IGF1: variants seen among roughly 807,000 people sequenced by gnomAD.
IGF1 encodes the protein insulin-like growth factor 1.
A neutral mutation model predicts 13.8 loss-of-function variants in IGF1; 4 were observed. The observed-to-expected ratio is 0.29, with a 90% confidence interval of 0.14 to 0.66. The LOEUF is 0.66. Ranked by LOEUF, IGF1 falls within the 30% of genes least tolerant of loss-of-function variation. The pLI, the probability that IGF1 is intolerant of heterozygous loss-of-function variation, is 0.78. For synonymous variants in IGF1, 76 were observed against 72.6 expected, an observed-to-expected ratio of 1.05 and a Z score of -0.23; for missense variants, 124 against 188.5, an observed-to-expected ratio of 0.66 and a Z score of 2.00.
rs547720263 is a variant in IGF1 at position 102,475,752 on chromosome 12, C to G, written c.111G>C (p.Leu37=). ...MSSSHLFYLA[L]CLLTFTSSAT... ...CAGAGCTGGTGAAGGTGAGCAGGCA[C>G]AGCGCCAGGTAGAAGAGATGCGAGG... is the stretch of plus-strand genomic sequence containing the variant. Residue 37 remains leucine, a synonymous_variant, in exon 2 of 4, where the codon CTG becomes CTC. Coordinates refer to ENST00000337514, the MANE Select transcript of IGF1 (RefSeq NM_000618.5). 6.2e-7 allele frequency: 1 copy of G among 1,614,196 alleles called. No homozygotes were observed. The highest frequency in any genetic ancestry group is 8.5e-7 in the Non-Finnish European group (1 of 1,180,038).
chr12:102,467,015 A>G (rs1880383269), intron 2 of IGF1, among the ~76,000 whole-genome samples: 1 of 152,186 alleles, frequency 6.6e-6, no homozygotes. Context: ...CCTTAAATCC[A>G]TTTAATCCAG....
chr12:102,480,554 C>T lies in IGF1; in HGVS notation c.-173G>A. The stretch of plus-strand genomic sequence containing the variant: ...ATTTAGCAGTGACAGTGAGATTTAG[C>T]AAACAGAAGAGGGATTTAGAGAAAA... On this transcript the variant is annotated 5_prime_UTR_variant, in exon 1 of 4. Coordinates refer to ENST00000337514, the MANE Select transcript of IGF1 (RefSeq NM_000618.5). 5.4e-6 allele frequency: 8 copies of T among 1,471,618 alleles called. No homozygotes were observed. The highest frequency in any genetic ancestry group is 7.2e-6 in the Non-Finnish European group (8 of 1,112,948). 91.2% of individuals were successfully genotyped at this position (1,471,618 alleles called of 1,614,324 possible).
At chr12:102,436,790 G>C (rs760186031) in intron 2 of IGF1, among the ~76,000 whole-genome samples, 3 of 152,162 alleles carry the variant, frequency 2.0e-5, no homozygotes, top group Non-Finnish European at 4.4e-5. Context: ...GAGGAAACAG[G>C]GTTAATTAAT....
intron 1 of IGF1, chr12:102,478,697 A>G: frequency 7.8e-7 from 1 of 1,288,036 alleles, no homozygotes; most frequent in Non-Finnish European, 1.0e-6. Context: ...GAAACAATGA[A>G]CAAATTGCAC....
chr12:102,451,255 A>G (rs1406752476), intron 2 of IGF1, among the ~76,000 whole-genome samples: 2 of 152,246 alleles, frequency 1.3e-5, no homozygotes, highest in Admixed American at 6.5e-5. Flanking sequence ...TCTTTGATGC[A>G]TTTGATCTTC....
intron 2 of IGF1, among the ~76,000 whole-genome samples, chr12:102,434,188 G>A (rs1431972021): frequency 6.9e-6 from 1 of 144,580 alleles, no homozygotes; most frequent in Non-Finnish European, 1.5e-5. Context: ...TAGGGTACAT[G>A]TGCACATTGT....
intron 2 of IGF1, among the ~76,000 whole-genome samples, chr12:102,421,357 TG>T (rs1875701259): frequency 6.6e-6 from 1 of 152,172 alleles, no homozygotes; most frequent in African/African-American, 2.4e-5. Context: ...AATATTTTTT[TG>T]TTTTTTTGTT....
At chr12:102,462,172 C>T (rs1879950843) in intron 2 of IGF1, among the ~76,000 whole-genome samples, 1 of 152,172 alleles carries the variant, frequency 6.6e-6, no homozygotes, top group Non-Finnish European at 1.5e-5. Flanking sequence ...ATACATTCCC[C>T]TTAGACAATT....
chr12:102,441,921 T>TCTTCTTCTTCTC (rs1877808798), intron 2 of IGF1, among the ~76,000 whole-genome samples: 3 of 117,612 alleles, frequency 2.6e-5, no homozygotes, highest in Non-Finnish European at 5.3e-5. Context: ...TTCTCCTTCT[T>TCTTCTTCTTCTC]CTTCTTCTTC....
At chr12:102,470,993 A>G (rs978982859) in intron 2 of IGF1, among the ~76,000 whole-genome samples, 1 of 152,204 alleles carries the variant, frequency 6.6e-6, no homozygotes, top group Non-Finnish European at 1.5e-5. Context: ...GAAAAATGAC[A>G]GTCTGTTTTC....
At chr12:102,477,727 T>A (rs1881150267) in intron 1 of IGF1, among the ~76,000 whole-genome samples, 1 of 152,116 alleles carries the variant, frequency 6.6e-6, no homozygotes, top group African/African-American at 2.4e-5. Flanking sequence ...TTCTACCGAA[T>A]CCTATTTCTC....
At chr12:102,442,514 G>C (rs1308268275) in intron 2 of IGF1, among the ~76,000 whole-genome samples, 3 of 152,032 alleles carry the variant, frequency 2.0e-5, no homozygotes, top group Admixed American at 6.6e-5. Context: ...GAAAAGGCAT[G>C]CTCTTTGCAT....
At chr12:102,475,330 T>A (rs1880949540) in intron 2 of IGF1, among the ~76,000 whole-genome samples, 1 of 152,074 alleles carries the variant, frequency 6.6e-6, no homozygotes, top group Non-Finnish European at 1.5e-5. Flanking sequence ...CATCAATACC[T>A]CAGGGTTATT....
intron 3 of IGF1, 63 bp downstream of exon 3, chr12:102,419,446 C>T: frequency 6.6e-7 from 1 of 1,523,822 alleles, no homozygotes; most frequent in Non-Finnish European, 9.0e-7. Flanking sequence ...TCTGCTTGGC[C>T]CACCCACATG....
chr12:102,468,431 C>T (rs1284023950), intron 2 of IGF1, among the ~76,000 whole-genome samples: 2 of 152,228 alleles, frequency 1.3e-5, no homozygotes, highest in Admixed American at 1.3e-4. Context: ...GTAAGAGGGG[C>T]AGCTATGCCA....
intron 3 of IGF1, among the ~76,000 whole-genome samples, chr12:102,409,886 TTTAA>T (rs1245237825): frequency 6.6e-6 from 1 of 152,246 alleles, no homozygotes; most frequent in African/African-American, 2.4e-5. Flanking sequence ...TAATTTACTT[TTTAA>T]TTGTTACTAT....
chr12:102,441,917 T>TTCC (rs1565984668), intron 2 of IGF1, among the ~76,000 whole-genome samples: 4 of 114,328 alleles, frequency 3.5e-5, no homozygotes, highest in African/African-American at 1.3e-4. Flanking sequence ...CTTCTTCTCC[T>TTCC]TCTTCTTCTT....
intron 2 of IGF1, among the ~76,000 whole-genome samples, chr12:102,465,462 C>G (rs1370525650): frequency 1.3e-5 from 2 of 152,188 alleles, no homozygotes; most frequent in Non-Finnish European, 2.9e-5. Context: ...GGGTCAGGCC[C>G]AAATGGGGAA....
At chr12:102,437,341 G>A (rs1257163407) in intron 2 of IGF1, among the ~76,000 whole-genome samples, 1 of 152,246 alleles carries the variant, frequency 6.6e-6, no homozygotes, top group Non-Finnish European at 1.5e-5. Context: ...TTGAGAGGTG[G>A]TAGGATGCTT....
Sources: allele counts gnomAD v4.1 joint callset (sites outside exome capture counted in the v4.1 genomes callset), GRCh38; gene constraint gnomAD v4.1.1; transcripts MANE v1.5; gene names NCBI Gene and HGNC (gene_info 2026-07-23, HGNC 2026-07-21).